GPC5: variants seen among roughly 807,000 people sequenced by gnomAD.
GPC5 encodes glypican-5.
GPC5 carries 47 observed loss-of-function variants against 53.9 expected under a neutral mutation model. The observed-to-expected ratio is 0.87, with a 90% CI of 0.69 to 1.11. The LOEUF (loss-of-function observed/expected upper bound fraction) is 1.11, where lower values mean the gene tolerates loss of function less well. Among genes scored for constraint, GPC5 ranks in the 50% most tolerant of loss-of-function variants. GPC5 has a pLI of 0.00. For synonymous variants in GPC5, 286 were observed against 263.3 expected, an observed-to-expected ratio of 1.09 and a Z score of -0.84; for missense variants, 748 against 713.1, an observed-to-expected ratio of 1.05 and a Z score of -0.56.
At position 91,650,750 on chromosome 13, in the gene GPC5, G is replaced by GTTTTTTTTTTTTTTTTTTTTTTTT. The variant is rs67507888; in HGVS notation, c.326-42415_326-42414insTTTTTTTTTTTTTTTTTTTTTTTT. On this transcript the variant is annotated intron_variant, in intron 2 of 7. Transcript: ENST00000377067. ...CATCTGTGAAACAAAATTCCCATAAGTTTTTTTTTTTTTTTTTTTTTTAGC... is the reference window on the plus strand; with the variant it reads ...CATCTGTGAAACAAAATTCCCATAAGTTTTTTTTTTTTTTTTTTTTTTTTTTTTTTTTTTTTTTTTTTTTTTAGC... 8.1e-4 allele frequency among the ~76,000 whole-genome samples: 81 copies of GTTTTTTTTTTTTTTTTTTTTTTTT among 99,592 alleles called. 3 individuals are homozygous for GTTTTTTTTTTTTTTTTTTTTTTTT. The highest frequency in any genetic ancestry group is 2.0e-3 in the East Asian group (6 of 3,042). 65.3% of individuals were successfully genotyped at this position (99,592 alleles called of 152,430 possible). A position where few individuals can be genotyped will look rare whatever the true frequency, so the allele number is the denominator to read the frequency against.
At chr13:92,546,894 C>A (rs1882137182) in intron 7 of GPC5, among the ~76,000 whole-genome samples, 2 of 152,026 alleles carry the variant, frequency 1.3e-5, no homozygotes, top group South Asian at 4.1e-4. Flanking sequence ...CTTTCACAAA[C>A]CTGACAAAAA....
intron 7 of GPC5, among the ~76,000 whole-genome samples, chr13:92,542,554 G>A (rs1185136187): frequency 4.0e-5 from 6 of 151,828 alleles, no homozygotes; most frequent in Non-Finnish European, 7.4e-5. Flanking sequence ...TGTTTTTCTC[G>A]TTTGTGTATT....
At chr13:91,788,188 G>A (rs1348786992) in intron 5 of GPC5, among the ~76,000 whole-genome samples, 1 of 152,192 alleles carries the variant, frequency 6.6e-6, no homozygotes, top group East Asian at 1.9e-4. Flanking sequence ...GACATGTTTA[G>A]TATGTAGTGA....
chr13:91,557,908 T>A (rs2031046012), intron 2 of GPC5, among the ~76,000 whole-genome samples: 1 of 152,116 alleles, frequency 6.6e-6, no homozygotes. Context: ...AATTCTGTTG[T>A]TGACTTAAAG....
chr13:92,575,066 T>G (rs1003970843), intron 7 of GPC5, among the ~76,000 whole-genome samples: 11 of 152,216 alleles, frequency 7.2e-5, no homozygotes, highest in African/African-American at 2.7e-4. Context: ...GGCAATAGTT[T>G]CCATCTTCTC....
chr13:91,783,328 T>G (rs184400116), intron 5 of GPC5, among the ~76,000 whole-genome samples: 1 of 152,288 alleles, frequency 6.6e-6, no homozygotes, highest in Non-Finnish European at 1.5e-5. Context: ...TATATGCAAT[T>G]GGTGAAGTAA....
intron 7 of GPC5, among the ~76,000 whole-genome samples, chr13:92,813,185 G>C (rs1430468697): frequency 2.6e-5 from 4 of 151,804 alleles, no homozygotes; most frequent in African/African-American, 7.3e-5. Context: ...GAACCCCAAG[G>C]CATCCTAACA....
At chr13:92,748,015 G>A (rs536906891) in intron 7 of GPC5, among the ~76,000 whole-genome samples, 7 of 152,128 alleles carry the variant, frequency 4.6e-5, no homozygotes, top group South Asian at 2.1e-4. Context: ...TAACCCAAAC[G>A]ATGATGGCCT....
At chr13:92,543,953 G>T (rs926217969) in intron 7 of GPC5, among the ~76,000 whole-genome samples, 1 of 151,642 alleles carries the variant, frequency 6.6e-6, no homozygotes, top group African/African-American at 2.4e-5. Context: ...ATGTTATTGG[G>T]CTATATTGCT....
At chr13:92,690,543 G>A (rs1176698704) in intron 7 of GPC5, among the ~76,000 whole-genome samples, 17 of 131,782 alleles carry the variant, frequency 1.3e-4, no homozygotes, top group Non-Finnish European at 2.1e-4. Flanking sequence ...TAATTTGATC[G>A]TCTGAAGCCT....
intron 7 of GPC5, among the ~76,000 whole-genome samples, chr13:92,764,696 T>C (rs1447790451): frequency 6.6e-6 from 1 of 152,152 alleles, no homozygotes; most frequent in African/African-American, 2.4e-5. Flanking sequence ...ACTATAAAAC[T>C]ATTTTTACAT....
intron 2 of GPC5, among the ~76,000 whole-genome samples, chr13:91,564,997 G>GGGGGGGC (rs1566509034): frequency 6.7e-6 from 1 of 149,550 alleles, no homozygotes; most frequent in African/African-American, 2.5e-5. Context: ...TTTTTTTGGG[G>GGGGGGGC]GGGGGTCGGT....
At chr13:91,956,402 G>A (rs562037533) in intron 6 of GPC5, among the ~76,000 whole-genome samples, 1 of 152,090 alleles carries the variant, frequency 6.6e-6, no homozygotes, top group Non-Finnish European at 1.5e-5. Flanking sequence ...GGAGGCACAG[G>A]GTTTTCCTGC....
At chr13:91,856,028 T>A (rs1477103066) in intron 5 of GPC5, among the ~76,000 whole-genome samples, 1 of 151,588 alleles carries the variant, frequency 6.6e-6, no homozygotes, top group Non-Finnish European at 1.5e-5. Context: ...TGTAATAGTT[T>A]TGTCTGTTCT....
At chr13:92,391,889 C>G (rs1402676202) in intron 7 of GPC5, among the ~76,000 whole-genome samples, 1 of 152,272 alleles carries the variant, frequency 6.6e-6, no homozygotes, top group East Asian at 1.9e-4. Context: ...AAGCCACATG[C>G]AGATGGCAGG....
At chr13:92,715,462 T>C (rs7322501) in intron 7 of GPC5, among the ~76,000 whole-genome samples, 2 of 152,112 alleles carry the variant, frequency 1.3e-5, no homozygotes, top group East Asian at 3.9e-4. Context: ...TAATTCTAAA[T>C]GATTAAGTAA....
At position 91,493,889 on chromosome 13, in the gene GPC5, A is replaced by T. The variant is rs548584397; in HGVS notation, c.325+44967A>T. The stretch of plus-strand genomic sequence containing the variant: ...TATATGCTGCATTCTATTTTTTTTT[A>T]TTTAAGACAGAGTCTCACTCTGTCA... On this transcript the variant is annotated intron_variant, in intron 2 of 7. Transcript: ENST00000377067. Among the ~76,000 whole-genome samples, 113 of 148,964 alleles carry T rather than the reference A, an allele frequency of 7.6e-4. 1 individual carries two copies. The South Asian group carries it at 0.021, about 28-fold the overall frequency.
intron 7 of GPC5, among the ~76,000 whole-genome samples, chr13:92,225,333 G>A (rs1368899868): frequency 6.6e-6 from 1 of 152,040 alleles, no homozygotes; most frequent in Non-Finnish European, 1.5e-5. Context: ...TTGTTTTTGT[G>A]CCACCCAGAG....
At chr13:92,548,515 T>TC (rs1363405496) in intron 7 of GPC5, among the ~76,000 whole-genome samples, 1 of 151,940 alleles carries the variant, frequency 6.6e-6, no homozygotes, top group Non-Finnish European at 1.5e-5. Flanking sequence ...TCCAAGCCTT[T>TC]CTTTCTGGTG....
Sources: allele counts gnomAD v4.1 joint callset (sites outside exome capture counted in the v4.1 genomes callset), GRCh38; gene constraint gnomAD v4.1.1; transcripts MANE v1.5; gene names NCBI Gene and HGNC (gene_info 2026-07-23, HGNC 2026-07-21).